Variants in ZFC3H1 observed in about 807,000 individuals in gnomAD.
The protein encoded by ZFC3H1 is zinc finger C3H1-type containing.
ZFC3H1 carries 71 observed loss-of-function variants against 243.7 expected under a neutral mutation model. The observed-to-expected ratio is 0.29, with a 90% CI of 0.24 to 0.36. The LOEUF (loss-of-function observed/expected upper bound fraction) is 0.36, where lower values mean the gene tolerates loss of function less well. Among genes scored for constraint, ZFC3H1 ranks in the 10% least tolerant of loss-of-function variants. The pLI is 1.00. For synonymous variants in ZFC3H1, 838 were observed against 813.0 expected, an observed-to-expected ratio of 1.03 and a Z score of -0.52; for missense variants, 1,966 against 2,317.1, an observed-to-expected ratio of 0.85 and a Z score of 3.11.
intron 2 of ZFC3H1, among the ~76,000 whole-genome samples, chr12:71,651,550 C>T (rs1880887323): frequency 1.3e-5 from 2 of 152,166 alleles, no homozygotes; most frequent in Admixed American, 1.3e-4. Context: ...AAATAAAAAA[C>T]ATCCACTAAA....
In ZFC3H1 at chr12:71,633,438, C is replaced by T. The variant is rs1370753706; in HGVS notation, c.2511G>A (p.Arg837=). Residue 837 remains arginine, a splice_region_variant and synonymous_variant, in exon 13 of 35, where the codon AGG becomes AGA. Coordinates refer to ENST00000378743, the MANE Select transcript of ZFC3H1 (RefSeq NM_144982.5). ...TDAESKLKKH[R]ILLMKDESVL... Reference sequence around the variant, plus strand: ...CAGATTCATCTTTCATCAAGAGAATCCTAAATGAGAAATAACAAAATTCTT... The same window carrying T: ...CAGATTCATCTTTCATCAAGAGAATTCTAAATGAGAAATAACAAAATTCTT... The T allele has an allele frequency of 2.6e-6, 4 of 1,546,882 alleles. No homozygotes were observed. The highest frequency in any genetic ancestry group is 2.6e-6 in the Non-Finnish European group (3 of 1,150,194).
chr12:71,616,295 T>C (rs964369510), intron 27 of ZFC3H1, among the ~76,000 whole-genome samples: 1 of 152,050 alleles, frequency 6.6e-6, no homozygotes, highest in Admixed American at 6.6e-5. Context: ...AGACCCTTTC[T>C]TAAAAAAAAA....
intron 11 of ZFC3H1, 141 bp downstream of exon 11, chr12:71,634,563 C>CTT: frequency 9.3e-7 from 1 of 1,073,680 alleles, no homozygotes; most frequent in Non-Finnish European, 1.3e-6. Flanking sequence ...CCAGCACCAT[C>CTT]TTCTGTGTGA....
In ZFC3H1 at chr12:71,663,020, C is replaced by G. The variant is rs527694350; in HGVS notation, c.591G>C (p.Arg197=). The G allele has an allele frequency of 4.4e-6, 7 of 1,601,972 alleles. No homozygotes were observed. In the South Asian group the frequency reaches 6.6e-5, roughly 15 times the overall value. ...SQSWREPSPP[R]KSSKSFGRSP... Reference sequence around the variant, plus strand: ...CCGCCACGTTAAGGATACAGCTCTTCCGAGGTGGAGAGGGCTCTCGCCAGC... The same window carrying G: ...CCGCCACGTTAAGGATACAGCTCTTGCGAGGTGGAGAGGGCTCTCGCCAGC... The change falls in exon 1 of 35, where the codon CGG becomes CGC. Residue 197 remains arginine (R), a synonymous_variant. Coordinates refer to ENST00000378743, the MANE Select transcript of ZFC3H1 (RefSeq NM_144982.5).
intron 3 of ZFC3H1, among the ~76,000 whole-genome samples, chr12:71,647,204 T>G (rs907534248): frequency 4.6e-5 from 7 of 152,232 alleles, no homozygotes; most frequent in Non-Finnish European, 7.3e-5. Context: ...TTGAAAAGGC[T>G]TGGGTTATTG....
chr12:71,648,929 A>C (rs905167660), intron 2 of ZFC3H1, among the ~76,000 whole-genome samples: 9 of 152,034 alleles, frequency 5.9e-5, no homozygotes, highest in Non-Finnish European at 1.3e-4. Context: ...GTCTCTACTG[A>C]AAATACAAAA....
intron 3 of ZFC3H1, among the ~76,000 whole-genome samples, chr12:71,647,322 A>C (rs1267612006): frequency 6.6e-6 from 1 of 152,202 alleles, no homozygotes. Flanking sequence ...TTTGTAGAAA[A>C]GAATATAGAA....
intron 4 of ZFC3H1, among the ~76,000 whole-genome samples, chr12:71,644,567 A>G (rs779769059): frequency 7.2e-5 from 11 of 152,234 alleles, no homozygotes; most frequent in Non-Finnish European, 1.5e-4. Context: ...CTGTAATCCC[A>G]GCACTTTGGG....
chr12:71,619,485 G>T, intron 26 of ZFC3H1, 76 bp from the exon 27 acceptor site: 1 of 1,427,346 alleles, frequency 7.0e-7, no homozygotes. Context: ...GAGAAAAAAA[G>T]CCTTAAAAAA....
chr12:71,660,515 T>C (rs1881138409), intron 1 of ZFC3H1: 1 of 151,716 alleles, frequency 6.6e-6, no homozygotes, highest in Non-Finnish European at 1.5e-5. Context: ...TATTTTCTGG[T>C]ACTTTTTTTT....
Position 71,644,077 on chromosome 12 carries a change from TA to T in ZFC3H1, c.1503+17del. 3.1e-6 allele frequency: 5 copies of T among 1,596,242 alleles called. No homozygotes were observed. Among genetic ancestry groups the T allele is most frequent in the Non-Finnish European group, 4.3e-6 (5 of 1,168,172 alleles). On this transcript the variant is annotated intron_variant, in intron 5 of 34. Transcript: ENST00000378743. ...AACTTAGAGTAACGTTTTGATTTTA[TA>T]TTTTTGCATTTCTTACTTTACTTCT... is the stretch of plus-strand genomic sequence containing the variant.
intron 22 of ZFC3H1, 67 bp downstream of exon 22, chr12:71,626,193 A>G: frequency 6.7e-7 from 1 of 1,485,738 alleles, no homozygotes; most frequent in Non-Finnish European, 9.0e-7. Flanking sequence ...AATTTTTAAG[A>G]TGATCCAAAT....
intron 3 of ZFC3H1, among the ~76,000 whole-genome samples, chr12:71,645,460 G>A: frequency 6.6e-6 from 1 of 152,216 alleles, no homozygotes; most frequent in East Asian, 1.9e-4. Flanking sequence ...GAGAGGTAAG[G>A]AAAGAAGAAG....
chr12:71,652,301 A>G (rs778238576), intron 2 of ZFC3H1, among the ~76,000 whole-genome samples: 7 of 152,222 alleles, frequency 4.6e-5, no homozygotes, highest in Non-Finnish European at 8.8e-5. Flanking sequence ...ATCTGATCAC[A>G]TCATTTTCTT....
Position 71,633,091 on chromosome 12 carries a change from G to A in ZFC3H1, c.2686-74C>T, listed in dbSNP as rs187904811. 2.6e-4 allele frequency: 387 copies of A among 1,483,048 alleles called. No homozygotes were observed. In the African/African-American group the frequency reaches 4.1e-3, roughly 16 times the overall value. The allele number at this position is 1,483,048 out of a possible 1,614,324, so 91.9% of individuals were successfully genotyped here. A position where few individuals can be genotyped will look rare whatever the true frequency, so the allele number is the denominator to read the frequency against. On this transcript the variant is annotated intron_variant, in intron 13 of 34. Transcript: ENST00000378743. ...AGGAAATTTCTTCTTCTCAAACACC[G>A]TGGCTTTTGAGCATTCAACTGAAAA...
At chr12:71,613,269 A>G (rs990958885) in intron 31 of ZFC3H1, 66 bp downstream of exon 31, 1 of 1,174,328 alleles carries the variant, frequency 8.5e-7, no homozygotes, top group Non-Finnish European at 1.2e-6. Flanking sequence ...AGTTTTCAAG[A>G]ATAATCTTAT....
At chr12:71,610,605 G>C in intron 34 of ZFC3H1, 40 bp from the exon 35 acceptor site, 1 of 1,612,456 alleles carries the variant, frequency 6.2e-7, no homozygotes, top group Non-Finnish European at 8.5e-7. Flanking sequence ...GACTTAGCTA[G>C]AGTTTGAGCA....
chr12:71,625,797 A>G (rs775274199), intron 22 of ZFC3H1, among the ~76,000 whole-genome samples: 3 of 152,220 alleles, frequency 2.0e-5, no homozygotes, highest in Non-Finnish European at 4.4e-5. Flanking sequence ...ATTAGTGTGA[A>G]TTACAGATTG....
At chr12:71,634,956 C>T in intron 10 of ZFC3H1, 131 bp from the exon 11 acceptor site, 1 of 1,113,990 alleles carries the variant, frequency 9.0e-7, no homozygotes, top group Non-Finnish European at 1.2e-6. Context: ...TCATCATTTT[C>T]TATTCTTTTT....
Sources: gnomAD v4.1 joint callset for allele counts (sites outside exome capture counted in the v4.1 genomes callset) on GRCh38, gnomAD v4.1.1 for gene constraint, MANE v1.5 for transcripts, NCBI Gene and HGNC (gene_info 2026-07-23, HGNC 2026-07-21) for gene names.